MXI1: variants seen among roughly 807,000 people sequenced by gnomAD.
The protein encoded by MXI1 is max-interacting protein 1.
MXI1 carries 18 observed loss-of-function variants against 36.9 expected under a neutral mutation model. That is an observed-to-expected ratio of 0.49 (90% CI 0.34 to 0.72). The LOEUF is 0.72. MXI1 is among the 30% of genes least tolerant of loss of function. The pLI is 0.01. For synonymous variants in MXI1, 160 were observed against 146.7 expected, an observed-to-expected ratio of 1.09 and a Z score of -0.65; for missense variants, 304 against 379.1, an observed-to-expected ratio of 0.80 and a Z score of 1.64.
chr10:110,216,221 C>T (rs892830252), intron 1 of MXI1, among the ~76,000 whole-genome samples: 6 of 152,274 alleles, frequency 3.9e-5, no homozygotes, highest in African/African-American at 1.4e-4. Context: ...TAAACAGAAT[C>T]CTTTTTCAAA....
rs148687001 is a variant in MXI1, at chr10:110,228,260, C to T, written c.346C>T (p.Arg116Trp). The T allele has an allele frequency of 2.5e-5, 40 of 1,614,150 alleles. No individual in the cohort carries two copies. Among genetic ancestry groups the T allele is most frequent in the Non-Finnish European group, 3.1e-5 (37 of 1,180,036 alleles). ...SPRLQHSKPP[R>W]RLSRAQKHSS... ...CCGACTGCAGCATTCAAAGCCCCCA[C>T]GGAGGTTGAGCCGGGCACAGAAACA... is the stretch of plus-strand genomic sequence containing the variant. The change falls in exon 2 of 6, where the codon CGG (arginine) becomes TGG (tryptophan). Residue 116 changes from arginine (R) to tryptophan (W), a missense_variant. This residue lies in a region of MXI1 where 179 missense variants were observed against 184.8 expected (regional missense o/e 0.97). Coordinates refer to ENST00000332674, the MANE Select transcript of MXI1 (RefSeq NM_130439.3).
intron 1 of MXI1, among the ~76,000 whole-genome samples, chr10:110,221,868 G>T (rs61882780): frequency 0.029 from 4,488 of 152,192 alleles, 350 homozygotes; most frequent in East Asian, 0.27. Flanking sequence ...TGAGTCGCTT[G>T]GTGCGTTTCC....
chr10:110,250,306 G>A (rs535944294), intron 3 of MXI1, among the ~76,000 whole-genome samples: 1 of 152,228 alleles, frequency 6.6e-6, no homozygotes, highest in South Asian at 2.1e-4. Context: ...TGGAGGGGAA[G>A]CAAAATACTT....
At chr10:110,280,208 T>C (rs1857182585) in intron 5 of MXI1, 123 bp downstream of exon 5, 2 of 772,730 alleles carry the variant, frequency 2.6e-6, no homozygotes, top group Non-Finnish European at 3.7e-6. Flanking sequence ...TTGTAGGTTT[T>C]ATGCAATCAT....
intron 3 of MXI1, chr10:110,260,915 A>AT: frequency 1.3e-6 from 1 of 796,134 alleles, no homozygotes; most frequent in Non-Finnish European, 1.5e-6. Context: ...ACTTTTTTGT[A>AT]TTCTCTGACA....
Position 110,207,891 on chromosome 10 carries a change from C to A in MXI1, c.83C>A (p.Pro28His), listed in dbSNP as rs201906236. The A allele has an allele frequency of 8.8e-6, 12 of 1,365,522 alleles. No individual in the cohort carries two copies. The highest frequency in any genetic ancestry group is 3.1e-5 in the African/African-American group (2 of 64,560). The allele number at this position is 1,365,522 out of a possible 1,614,324, so 84.6% of individuals were successfully genotyped here. A position where few individuals can be genotyped will look rare whatever the true frequency, so the allele number is the denominator to read the frequency against. The stretch of plus-strand genomic sequence containing the variant: ...CCCGCCGCGCCCCCGGCTGTGCCCC[C>A]CGCCGTGGCCGCGCCCCAGCCCCCG... ...LAPAAPPAVP[P>H]AVAAPQPPAL... is the part of the protein sequence containing the mutation. Residue 28 changes from proline (P) to histidine (H), a missense_variant, in exon 1 of 6, where the codon CCC becomes CAC. Transcript: ENST00000332674.
chr10:110,268,588 A>T (rs948963187), intron 3 of MXI1, among the ~76,000 whole-genome samples: 1 of 152,166 alleles, frequency 6.6e-6, no homozygotes, highest in African/African-American at 2.4e-5. Context: ...TTCACTTTCT[A>T]TCTACCTAAA....
Position 110,236,125 on chromosome 10 carries a change from T to G in MXI1, c.407+7804T>G, listed in dbSNP as rs12776714. On this transcript the variant is annotated intron_variant, in intron 2 of 5. Coordinates refer to ENST00000332674, the MANE Select transcript of MXI1 (RefSeq NM_130439.3). Reference sequence around the variant, plus strand: ...GGGTGTGAAGTAAAGGTTGAAGTTCTTTTTTTTTTTTTTTTTTTTTTTTTT... The same window carrying G: ...GGGTGTGAAGTAAAGGTTGAAGTTCGTTTTTTTTTTTTTTTTTTTTTTTTT... Among the ~76,000 whole-genome samples the G allele has an allele frequency of 8.1e-3, 189 of 23,228 alleles. 6 individuals carry two copies. In the East Asian group the frequency reaches 0.23, roughly 28 times the overall value. 15.2% of individuals were successfully genotyped at this position (23,228 alleles called of 152,430 possible).
intron 2 of MXI1, among the ~76,000 whole-genome samples, chr10:110,243,171 A>G (rs1365992303): frequency 6.6e-6 from 1 of 152,052 alleles, no homozygotes; most frequent in Non-Finnish European, 1.5e-5. Flanking sequence ...TGTGGTTATA[A>G]TTTATTGAAT....
intron 1 of MXI1, among the ~76,000 whole-genome samples, chr10:110,213,582 G>A (rs7912480): frequency 0.017 from 2,631 of 152,216 alleles, 68 homozygotes; most frequent in African/African-American, 0.059. Context: ...ATATTGTTAC[G>A]GCTTTCAGAA....
intron 3 of MXI1, 90 bp from the exon 4 acceptor site, chr10:110,279,090 A>G (rs41291902): frequency 0.078 from 78,895 of 1,007,948 alleles, 3,723 homozygotes; most frequent in Middle Eastern, 0.17. Context: ...GGCTGAATAA[A>G]TGCAAATTAT....
At position 110,212,709 on chromosome 10, in the gene MXI1, A is replaced by G. The variant is rs146074801; in HGVS notation, c.274+4627A>G. On this transcript the variant is annotated intron_variant, in intron 1 of 5. Transcript: ENST00000332674. ...TCCATTTCCTTTTTGCAAAATGGGG[A>G]TAACAATAGTATGACCCTCATATCA... Among the ~76,000 whole-genome samples the G allele has an allele frequency of 5.4e-4, 83 of 152,318 alleles. No homozygotes were observed. In the East Asian group the frequency reaches 0.015, roughly 28 times the overall value.
intron 1 of MXI1, among the ~76,000 whole-genome samples, chr10:110,218,366 C>T (rs906220810): frequency 2.0e-5 from 3 of 151,714 alleles, no homozygotes; most frequent in African/African-American, 7.3e-5. Context: ...AGGAGAATGG[C>T]GTGAACCCGG....
intron 4 of MXI1, 32 bp downstream of exon 4, chr10:110,279,326 T>C: frequency 6.4e-7 from 1 of 1,556,990 alleles, no homozygotes; most frequent in Non-Finnish European, 8.9e-7. Flanking sequence ...TTTGCACAAT[T>C]CCCTCAGTTC....
At chr10:110,251,348 A>AT (rs1856078706) in intron 3 of MXI1, among the ~76,000 whole-genome samples, 1 of 152,124 alleles carries the variant, frequency 6.6e-6, no homozygotes, top group African/African-American at 2.4e-5. Flanking sequence ...CAATTAATAA[A>AT]TACCATGTGT....
intron 5 of MXI1, among the ~76,000 whole-genome samples, chr10:110,282,471 A>T (rs745896729): frequency 6.6e-6 from 1 of 152,214 alleles, no homozygotes; most frequent in Non-Finnish European, 1.5e-5. Flanking sequence ...ATTTATCAGT[A>T]ACAGTGAAAT....
chr10:110,234,620 G>T (rs1855391845), intron 2 of MXI1, among the ~76,000 whole-genome samples: 1 of 152,046 alleles, frequency 6.6e-6, no homozygotes, highest in Non-Finnish European at 1.5e-5. Flanking sequence ...TTTCATGCCT[G>T]ACTCTTAAAA....
At chr10:110,264,557 G>C (rs938314734) in intron 3 of MXI1, among the ~76,000 whole-genome samples, 6 of 151,876 alleles carry the variant, frequency 4.0e-5, no homozygotes, top group Non-Finnish European at 8.8e-5. Context: ...ATAGAGACGG[G>C]GTTTCACCAT....
chr10:110,227,352 A>C (rs1855084441), intron 1 of MXI1: 12 of 977,936 alleles, frequency 1.2e-5, no homozygotes, highest in Non-Finnish European at 1.4e-5. Flanking sequence ...GTGTGCTGAG[A>C]TCGTGAGTGG....
Sources: allele counts gnomAD v4.1 joint callset (sites outside exome capture counted in the v4.1 genomes callset), GRCh38; gene constraint gnomAD v4.1.1; regional missense constraint gnomAD v4.1.1; transcripts MANE v1.5; gene names NCBI Gene and HGNC (gene_info 2026-07-23, HGNC 2026-07-21).